Variants in PPP3CB observed in about 807,000 individuals in gnomAD.
PPP3CB encodes protein phosphatase 3 catalytic subunit beta.
Under a neutral mutation model 66.4 loss-of-function variants are expected in PPP3CB, and 8 were observed. That is an observed-to-expected ratio of 0.12 (90% CI 0.07 to 0.22). The LOEUF is 0.22. Among genes scored for constraint, PPP3CB ranks in the 10% least tolerant of loss-of-function variants. The pLI, the probability that PPP3CB is intolerant of heterozygous loss-of-function variation, is 1.00. For missense variants in PPP3CB, 319 were observed against 642.5 expected, an observed-to-expected ratio of 0.50 and a Z score of 5.44; for synonymous variants, 208 against 221.2, an observed-to-expected ratio of 0.94 and a Z score of 0.53.
Position 73,438,351 on chromosome 10 carries a change from T to C in PPP3CB, c.1466A>G (p.Asn489Ser). Residue 489 changes from asparagine to serine, a missense_variant, in exon 14 of 14, where the codon AAT becomes AGT. Coordinates refer to ENST00000360663, the MANE Select transcript of PPP3CB (RefSeq NM_021132.4). ...ATCTTTCCGAGGTGGCATTCTCTCATTGATCCTATCCAAACCCTTTGCCTC... is the reference window on the plus strand; with the variant it reads ...ATCTTTCCGAGGTGGCATTCTCTCACTGATCCTATCCAAACCCTTTGCCTC... ...FEEAKGLDRI[N>S]ERMPPRKDAV... is the part of the protein sequence containing the mutation. 2 of 1,613,840 alleles carry C rather than the reference T, an allele frequency of 1.2e-6. No homozygotes were observed. Among genetic ancestry groups the C allele is most frequent in the Non-Finnish European group, 1.7e-6 (2 of 1,179,692 alleles).
chr10:73,450,261 T>C (rs2056324135), intron 10 of PPP3CB, among the ~76,000 whole-genome samples: 1 of 152,024 alleles, frequency 6.6e-6, no homozygotes, highest in African/African-American at 2.4e-5. Context: ...ACCAGTTCCA[T>C]AGAATGGTTC....
chr10:73,446,457 C>G, intron 11 of PPP3CB, 35 bp downstream of exon 11: 1 of 1,580,732 alleles, frequency 6.3e-7, no homozygotes, highest in Non-Finnish European at 8.7e-7. Context: ...AACGTAATTT[C>G]TGCAAAACAA....
At chr10:73,495,784 A>G (rs2057204850) in intron 1 of PPP3CB, 21 bp downstream of exon 1, 3 of 1,475,842 alleles carry the variant, frequency 2.0e-6, no homozygotes, top group East Asian at 3.4e-5. Flanking sequence ...CCAGGCCCCC[A>G]GGGTTTCGTC....
intron 1 of PPP3CB, among the ~76,000 whole-genome samples, chr10:73,491,353 T>C (rs867019211): frequency 6.6e-6 from 1 of 151,370 alleles, no homozygotes; most frequent in Non-Finnish European, 1.5e-5. Context: ...TTAGTAGAGA[T>C]GGGGTTTCAC....
intron 10 of PPP3CB, among the ~76,000 whole-genome samples, chr10:73,448,141 A>G (rs1244760756): frequency 2.0e-5 from 3 of 152,170 alleles, no homozygotes; most frequent in Admixed American, 2.0e-4. Context: ...GATAAGCAGT[A>G]GGGTGTTGGG....
intron 10 of PPP3CB, among the ~76,000 whole-genome samples, chr10:73,454,122 T>G (rs2056387833): frequency 6.6e-6 from 1 of 152,196 alleles, no homozygotes; most frequent in African/African-American, 2.4e-5. Context: ...GTGTCCATAT[T>G]TGCCAAGAAC....
intron 3 of PPP3CB, 91 bp downstream of exon 3, chr10:73,478,407 AC>A: frequency 8.4e-7 from 1 of 1,188,286 alleles, no homozygotes; most frequent in Non-Finnish European, 1.2e-6. Flanking sequence ...TATTAAAAAA[AC>A]CTAACACAGG....
chr10:73,455,303 G>C (rs79866669), intron 9 of PPP3CB, among the ~76,000 whole-genome samples: 2 of 151,958 alleles, frequency 1.3e-5, no homozygotes, highest in Non-Finnish European at 2.9e-5. Flanking sequence ...TGACTATTCT[G>C]TATATTTTTT....
chr10:73,454,020 A>T (rs927124100), intron 10 of PPP3CB, among the ~76,000 whole-genome samples: 9 of 152,216 alleles, frequency 5.9e-5, no homozygotes, highest in Admixed American at 4.6e-4. Context: ...AAGGCAGGAA[A>T]AGCAAAATTG....
intron 12 of PPP3CB, among the ~76,000 whole-genome samples, chr10:73,443,178 C>A (rs912949655): frequency 2.0e-5 from 3 of 150,262 alleles, no homozygotes; most frequent in Non-Finnish European, 4.4e-5. Flanking sequence ...AGAAACCAGA[C>A]CCTGTCTGTC....
chr10:73,485,852 T>C (rs1161898687), intron 1 of PPP3CB, among the ~76,000 whole-genome samples: 1 of 151,648 alleles, frequency 6.6e-6, no homozygotes, highest in Non-Finnish European at 1.5e-5. Flanking sequence ...GCAATTCTCC[T>C]GCCTCAGCCT....
chr10:73,495,595 C>A, intron 1 of PPP3CB: 1 of 606,254 alleles, frequency 1.6e-6, no homozygotes, highest in Non-Finnish European at 2.4e-6. Context: ...AAACCTCCGC[C>A]CCGGCCTGAA....
intron 13 of PPP3CB, 83 bp from the exon 14 acceptor site, chr10:73,438,503 G>A: frequency 7.7e-7 from 1 of 1,300,180 alleles, no homozygotes; most frequent in Non-Finnish European, 1.1e-6. Flanking sequence ...TTTTTAAGAA[G>A]AAAGAAATTA....
chr10:73,436,499 C>A lies in PPP3CB; in HGVS notation c.*1743G>T, dbSNP rs1035799022. ...TTCCCAATACCACTATAACAAAATT[C>A]TAGACAATAACATATTTTCTTTCAA... On this transcript the variant is annotated 3_prime_UTR_variant, in exon 14 of 14. Coordinates refer to ENST00000360663, the MANE Select transcript of PPP3CB (RefSeq NM_021132.4). 3.3e-5 allele frequency: 5 copies of A among 150,772 alleles called. 1 individual carries two copies. Among genetic ancestry groups the A allele is most frequent in the Middle Eastern group, 6.8e-3 (2 of 294 alleles). The allele number at this position is 150,772 out of a possible 1,614,324, so 9.3% of individuals were successfully genotyped here.
intron 1 of PPP3CB, among the ~76,000 whole-genome samples, chr10:73,494,389 G>A (rs147395253): frequency 5.9e-5 from 9 of 152,168 alleles, no homozygotes; most frequent in Non-Finnish European, 1.0e-4. Flanking sequence ...TCGGGCTCCA[G>A]TGATTCTCGT....
At chr10:73,479,209 A>T (rs2056836194) in intron 2 of PPP3CB, 108 bp downstream of exon 2, 1 of 1,020,704 alleles carries the variant, frequency 9.8e-7, no homozygotes, top group Non-Finnish European at 1.5e-6. Context: ...GATAATGTCC[A>T]AGTAATATTG....
intron 1 of PPP3CB, among the ~76,000 whole-genome samples, chr10:73,494,829 C>A (rs192511168): frequency 6.6e-6 from 1 of 152,214 alleles, no homozygotes; most frequent in East Asian, 1.9e-4. Context: ...AGGAAAAGTT[C>A]ATTCTACGAT....
chr10:73,470,362 C>A (rs2056683790), intron 8 of PPP3CB, among the ~76,000 whole-genome samples: 1 of 152,070 alleles, frequency 6.6e-6, no homozygotes, highest in Non-Finnish European at 1.5e-5. Flanking sequence ...CAGCTTTATA[C>A]AAATAAGAAA....
intron 4 of PPP3CB, among the ~76,000 whole-genome samples, chr10:73,472,948 T>A (rs1222708396): frequency 1.3e-5 from 2 of 152,208 alleles, no homozygotes; most frequent in Non-Finnish European, 2.9e-5. Context: ...GTTTGTTATT[T>A]ATCTAGGCAA....
Sources: allele counts gnomAD v4.1 joint callset (sites outside exome capture counted in the v4.1 genomes callset), GRCh38; gene constraint gnomAD v4.1.1; transcripts MANE v1.5; gene names NCBI Gene and HGNC (gene_info 2026-07-23, HGNC 2026-07-21).